ADAMTS17: variants seen among roughly 807,000 people sequenced by gnomAD.
The protein encoded by ADAMTS17 is A disintegrin and metalloproteinase with thrombospondin motifs 17.
A neutral mutation model predicts 141.5 loss-of-function variants in ADAMTS17; 113 were observed. The ratio of observed to expected loss-of-function variants is 0.80; its 90% confidence interval spans 0.69 to 0.93. ADAMTS17 has a LOEUF of 0.93. Among genes scored for constraint, ADAMTS17 ranks in the 40% least tolerant of loss-of-function variants. The probability of loss-of-function intolerance (pLI) is 0.00; values close to 1 mark genes in which losing one functional copy is unlikely to be tolerated. For synonymous variants in ADAMTS17, 768 were observed against 630.6 expected, an observed-to-expected ratio of 1.22 and a Z score of -3.27; for missense variants, 1,659 against 1,517.9, an observed-to-expected ratio of 1.09 and a Z score of -1.54.
chr15:100,000,222 G>C (rs1186898752), intron 18 of ADAMTS17, among the ~76,000 whole-genome samples: 1 of 152,176 alleles, frequency 6.6e-6, no homozygotes, highest in African/African-American at 2.4e-5. Flanking sequence ...AGCACGAAGA[G>C]AATTGAGCTA....
chr15:100,069,212 G>A (rs1221876773), intron 15 of ADAMTS17, among the ~76,000 whole-genome samples: 2 of 152,154 alleles, frequency 1.3e-5, no homozygotes, highest in Non-Finnish European at 2.9e-5. Flanking sequence ...AAAAAGAAAT[G>A]AACAAAGCCT....
At chr15:100,324,569 G>A (rs1368126590) in intron 3 of ADAMTS17, among the ~76,000 whole-genome samples, 1 of 152,150 alleles carries the variant, frequency 6.6e-6, no homozygotes, top group African/African-American at 2.4e-5. Flanking sequence ...AGAGTCCGGA[G>A]GGTCAGTGAG....
intron 15 of ADAMTS17, among the ~76,000 whole-genome samples, chr15:100,082,766 C>CTTTTTTTTTTTTTTTTT: frequency 8.1e-6 from 1 of 123,276 alleles, no homozygotes; most frequent in East Asian, 2.3e-4. Context: ...TCTCGTTAGT[C>CTTTTTTTTTTTTTTTTT]TTTTTTTTTT....
chr15:100,341,680 C>G (rs1346906675), intron 1 of ADAMTS17, 141 bp downstream of exon 1: 7 of 1,132,684 alleles, frequency 6.2e-6, no homozygotes, highest in African/African-American at 3.3e-5. Flanking sequence ...TTCCCGTACT[C>G]CGGCCGCGGC....
chr15:100,108,635 C>T (rs946164209), intron 14 of ADAMTS17, among the ~76,000 whole-genome samples: 1 of 152,194 alleles, frequency 6.6e-6, no homozygotes. Flanking sequence ...TCAGTTCTGC[C>T]GTCTCTTCTG....
intron 14 of ADAMTS17, among the ~76,000 whole-genome samples, chr15:100,104,599 T>G (rs141456381): frequency 6.6e-6 from 1 of 152,204 alleles, no homozygotes; most frequent in African/African-American, 2.4e-5. Context: ...ATAGCACAAT[T>G]TATAGCTGAA....
At chr15:100,054,904 A>C (rs1344501823) in intron 15 of ADAMTS17, among the ~76,000 whole-genome samples, 2 of 151,980 alleles carry the variant, frequency 1.3e-5, no homozygotes, top group East Asian at 3.9e-4. Context: ...GCTCACCAGG[A>C]TTTTTCTTGT....
At chr15:100,088,471 A>G (rs2035246677) in intron 15 of ADAMTS17, among the ~76,000 whole-genome samples, 2 of 152,246 alleles carry the variant, frequency 1.3e-5, no homozygotes, top group Non-Finnish European at 2.9e-5. Context: ...CTTTCTTCAC[A>G]GAATTGGAAA....
intron 4 of ADAMTS17, among the ~76,000 whole-genome samples, chr15:100,279,728 C>A (rs1359225493): frequency 1.3e-5 from 2 of 152,210 alleles, no homozygotes; most frequent in Non-Finnish European, 2.9e-5. Context: ...ACCCCTTTCC[C>A]TCTACAAAGT....
At chr15:100,159,388 T>G (rs994089711) in intron 8 of ADAMTS17, among the ~76,000 whole-genome samples, 1 of 152,262 alleles carries the variant, frequency 6.6e-6, no homozygotes, top group African/African-American at 2.4e-5. Context: ...TAGCTTTTTC[T>G]TTCTCTATTT....
chr15:100,238,920 G>A (rs2042742097), intron 7 of ADAMTS17, among the ~76,000 whole-genome samples: 1 of 152,128 alleles, frequency 6.6e-6, no homozygotes, highest in African/African-American at 2.4e-5. Flanking sequence ...GTGAAACCCT[G>A]TTTCTACTAA....
At chr15:100,311,106 G>A (rs115529604) in intron 3 of ADAMTS17, among the ~76,000 whole-genome samples, 1 of 152,246 alleles carries the variant, frequency 6.6e-6, no homozygotes, top group Admixed American at 6.5e-5. Context: ...AAAAAGACCA[G>A]AGTGTCTGTT....
intron 3 of ADAMTS17, among the ~76,000 whole-genome samples, chr15:100,294,469 T>C (rs1464970279): frequency 2.0e-5 from 3 of 151,778 alleles, no homozygotes; most frequent in African/African-American, 7.3e-5. Flanking sequence ...ATGCAGTGGC[T>C]CATACCTGTA....
At chr15:99,995,284 C>CT (rs2060776865) in intron 19 of ADAMTS17, among the ~76,000 whole-genome samples, 1 of 152,240 alleles carries the variant, frequency 6.6e-6, no homozygotes, top group African/African-American at 2.4e-5. Context: ...ACCAGGAACC[C>CT]ATGCACCATT....
At chr15:100,240,782 A>C (rs1391002060) in intron 7 of ADAMTS17, among the ~76,000 whole-genome samples, 1 of 152,122 alleles carries the variant, frequency 6.6e-6, no homozygotes, top group Admixed American at 6.6e-5. Flanking sequence ...CATTGCTGAG[A>C]GCTCCCAGCT....
At chr15:100,272,994 T>G (rs1030098211) in intron 4 of ADAMTS17, among the ~76,000 whole-genome samples, 3 of 152,168 alleles carry the variant, frequency 2.0e-5, no homozygotes, top group African/African-American at 7.2e-5. Context: ...ATCACTTTTT[T>G]TATTGATTTG....
chr15:100,120,725 A>C (rs764854854), intron 12 of ADAMTS17, among the ~76,000 whole-genome samples: 8 of 152,268 alleles, frequency 5.3e-5, no homozygotes, highest in South Asian at 2.1e-4. Context: ...AAAACAAAAC[A>C]AAACCAAACA....
At chr15:99,987,072 G>A (rs944062315) in intron 20 of ADAMTS17, among the ~76,000 whole-genome samples, 1 of 152,200 alleles carries the variant, frequency 6.6e-6, no homozygotes, top group Non-Finnish European at 1.5e-5. Context: ...ACCTCCCCAA[G>A]GCTCTGAGTG....
intron 17 of ADAMTS17, 60 bp downstream of exon 17, chr15:100,051,512 C>G: frequency 1.2e-6 from 2 of 1,609,958 alleles, no homozygotes; most frequent in African/African-American, 1.3e-5. Flanking sequence ...GCCACAGATG[C>G]CTTTCTCCTT....
Sources: gnomAD v4.1 joint callset for allele counts (sites outside exome capture counted in the v4.1 genomes callset) on GRCh38, gnomAD v4.1.1 for gene constraint, MANE v1.5 for transcripts, NCBI Gene and HGNC (gene_info 2026-07-23, HGNC 2026-07-21) for gene names.